ZNF385D: variants seen among roughly 807,000 people sequenced by gnomAD.
The protein encoded by ZNF385D is zinc finger protein 659.
ZNF385D carries 15 observed loss-of-function variants against 35.8 expected under a neutral mutation model. That is an observed-to-expected ratio of 0.42 (90% CI 0.28 to 0.64). The LOEUF is 0.64. Among genes scored for constraint, ZNF385D ranks in the 30% least tolerant of loss-of-function variants. ZNF385D has a pLI of 0.23. For synonymous variants in ZNF385D, 212 were observed against 186.8 expected, an observed-to-expected ratio of 1.13 and a Z score of -1.10; for missense variants, 474 against 494.6, an observed-to-expected ratio of 0.96 and a Z score of 0.39.
At chr3:21,860,609 C>G (rs1696995593) in intron 3 of ZNF385D, among the ~76,000 whole-genome samples, 1 of 152,158 alleles carries the variant, frequency 6.6e-6, no homozygotes, top group Admixed American at 6.6e-5. Context: ...ACAGATCAAG[C>G]ATCCTGACTG....
chr3:21,734,285 G>GTTT (rs5847129), intron 1 of ZNF385D, among the ~76,000 whole-genome samples: 4 of 148,792 alleles, frequency 2.7e-5, no homozygotes, highest in African/African-American at 9.8e-5. Flanking sequence ...AACACTCAGG[G>GTTT]TTTTTTTTTT....
intron 3 of ZNF385D, among the ~76,000 whole-genome samples, chr3:21,800,909 C>G (rs905427307): frequency 1.3e-5 from 2 of 152,022 alleles, no homozygotes; most frequent in Non-Finnish European, 2.9e-5. Flanking sequence ...GTAGCAGCAA[C>G]CTTTTTGTTC....
At chr3:22,205,488 T>C (rs1421574710) in intron 2 of ZNF385D, among the ~76,000 whole-genome samples, 1 of 151,930 alleles carries the variant, frequency 6.6e-6, no homozygotes, top group Non-Finnish European at 1.5e-5. Context: ...AATATAGCAC[T>C]GCAATTGTGG....
chr3:21,687,857 G>C (rs1450669676), intron 1 of ZNF385D, among the ~76,000 whole-genome samples: 1 of 152,010 alleles, frequency 6.6e-6, no homozygotes, highest in Non-Finnish European at 1.5e-5. Context: ...GCTTAATAAA[G>C]CCATATGGTT....
At chr3:21,907,081 A>G (rs1445015877) in intron 3 of ZNF385D, among the ~76,000 whole-genome samples, 2 of 152,158 alleles carry the variant, frequency 1.3e-5, no homozygotes, top group Non-Finnish European at 2.9e-5. Context: ...ATTTGAAAAC[A>G]CATTTCCCAC....
At chr3:21,769,351 A>C (rs2070976229) in intron 3 of ZNF385D, among the ~76,000 whole-genome samples, 2 of 124,918 alleles carry the variant, frequency 1.6e-5, no homozygotes, top group South Asian at 5.3e-4. Flanking sequence ...GTCTCAGCCC[A>C]AAATCTCCTT....
At chr3:22,140,192 G>T (rs970585482) in intron 3 of ZNF385D, among the ~76,000 whole-genome samples, 1 of 152,074 alleles carries the variant, frequency 6.6e-6, no homozygotes, top group African/African-American at 2.4e-5. Flanking sequence ...TTCAACTAGT[G>T]AATGAATAAA....
chr3:21,430,258 A>G (rs914712416), intron 5 of ZNF385D, among the ~76,000 whole-genome samples: 1 of 152,134 alleles, frequency 6.6e-6, no homozygotes, highest in Admixed American at 6.6e-5. Flanking sequence ...AAAAAATTCT[A>G]TCATTTCTGT....
Position 22,280,310 on chromosome 3 carries a change from C to T in ZNF385D, c.106+92140G>A, listed in dbSNP as rs1575025034. 2.0e-5 allele frequency among the ~76,000 whole-genome samples: 3 copies of T among 149,782 alleles called. No individual in the cohort carries two copies. In the East Asian group the frequency reaches 5.8e-4, roughly 29 times the overall value. On this transcript the variant is annotated intron_variant, in intron 2 of 5. Transcript: ENST00000494108. The stretch of plus-strand genomic sequence containing the variant: ...CCATCTATTTGTATTTGTTTTGTTG[C>T]CTTTGCTTTTGGGTTCTTGGTCACA...
chr3:22,208,062 G>A (rs933547296), intron 2 of ZNF385D, among the ~76,000 whole-genome samples: 1 of 151,946 alleles, frequency 6.6e-6, no homozygotes, highest in East Asian at 1.9e-4. Flanking sequence ...ATACGATGCA[G>A]CAATTCCACT....
At chr3:22,302,474 C>T (rs1044654224) in intron 2 of ZNF385D, among the ~76,000 whole-genome samples, 1 of 151,742 alleles carries the variant, frequency 6.6e-6, no homozygotes, top group Non-Finnish European at 1.5e-5. Context: ...TGTAATTTCC[C>T]ATTATGATAT....
rs1352560513 is a variant in ZNF385D, at chr3:21,413,173, C to A, written c.*8041G>T. The A allele has an allele frequency of 1.3e-5, 2 of 151,934 alleles. No homozygotes were observed. Among genetic ancestry groups the A allele is most frequent in the African/African-American group, 4.8e-5 (2 of 41,372 alleles). The allele number at this position is 151,934 out of a possible 1,614,324, so 9.4% of individuals were successfully genotyped here. On this transcript the variant is annotated 3_prime_UTR_variant, in exon 8 of 8. Coordinates refer to ENST00000281523, the MANE Select transcript of ZNF385D (RefSeq NM_024697.3). ...TAAAACACAATAAAATCCTATCTCA[C>A]GTTTCCAAGCCCACCTGGGGATATG...
chr3:21,537,652 C>T (rs1331655441), intron 3 of ZNF385D, among the ~76,000 whole-genome samples: 1 of 152,114 alleles, frequency 6.6e-6, no homozygotes, highest in Non-Finnish European at 1.5e-5. Flanking sequence ...CACCCAAGAT[C>T]AGTGCCTCAC....
intron 3 of ZNF385D, among the ~76,000 whole-genome samples, chr3:22,154,304 C>T (rs1705445514): frequency 6.6e-6 from 1 of 152,144 alleles, no homozygotes; most frequent in South Asian, 2.1e-4. Context: ...CATGTTGATG[C>T]TGCAAACTAC....
At chr3:21,568,352 G>C (rs1013600069) in intron 2 of ZNF385D, among the ~76,000 whole-genome samples, 6 of 152,062 alleles carry the variant, frequency 3.9e-5, no homozygotes, top group Admixed American at 1.3e-4. Flanking sequence ...CACACACACA[G>C]ATAGTTTGAT....
At chr3:21,731,559 T>C (rs2125488603) in intron 1 of ZNF385D, among the ~76,000 whole-genome samples, 1 of 152,364 alleles carries the variant, frequency 6.6e-6, no homozygotes, top group South Asian at 2.1e-4. Flanking sequence ...CTTGGTGTTG[T>C]ACATTATGTA....
intron 3 of ZNF385D, among the ~76,000 whole-genome samples, chr3:22,006,343 G>C (rs1027296879): frequency 6.6e-6 from 1 of 152,046 alleles, no homozygotes; most frequent in Admixed American, 6.5e-5. Context: ...ATCTGGGTCT[G>C]TGTTTCTACA....
chr3:22,133,237 CCTT>C (rs1390651305), intron 3 of ZNF385D, among the ~76,000 whole-genome samples: 4 of 152,112 alleles, frequency 2.6e-5, no homozygotes, highest in African/African-American at 9.7e-5. Flanking sequence ...TCTTCAACAT[CCTT>C]CTTTTTTAAT....
At chr3:22,153,965 G>A (rs182198679) in intron 3 of ZNF385D, among the ~76,000 whole-genome samples, 20 of 152,220 alleles carry the variant, frequency 1.3e-4, no homozygotes, top group Admixed American at 1.0e-3. Context: ...TAGTTCACAT[G>A]TTCCCATTTA....
Sources: allele counts gnomAD v4.1 joint callset (sites outside exome capture counted in the v4.1 genomes callset), GRCh38; gene constraint gnomAD v4.1.1; transcripts MANE v1.5; gene names NCBI Gene and HGNC (gene_info 2026-07-23, HGNC 2026-07-21).